The following CADM1 variants were observed in gnomAD, a reference collection of about 807,000 sequenced individuals.
CADM1 encodes the protein TSLC-1.
Under a neutral mutation model 53.1 loss-of-function variants are expected in CADM1, and 15 were observed. The ratio of observed to expected loss-of-function variants is 0.28; its 90% confidence interval spans 0.19 to 0.44. The LOEUF is 0.44. Among genes scored for constraint, CADM1 ranks in the 20% least tolerant of loss-of-function variants. CADM1 has a pLI of 1.00. For missense variants in CADM1, 434 were observed against 611.3 expected (o/e 0.71, Z 3.06); for synonymous variants, 281 against 243.0 (o/e 1.16, Z -1.45).
rs12786547 is a variant in CADM1, at chr11:115,383,659, T to C, written c.124+120612A>G. On this transcript the variant is annotated intron_variant, in intron 1 of 11. Coordinates refer to ENST00000331581, the MANE Select transcript of CADM1 (RefSeq NM_001301043.2). ...CGTGGCAGACTTTAAAAATTATCTT[T>C]TCCCCCCATGACTTGCTTAGAAAAT... 6.9e-3 allele frequency among the ~76,000 whole-genome samples: 1,048 copies of C among 152,306 alleles called. 4 individuals are homozygous for C. Among genetic ancestry groups the C allele is most frequent in the Non-Finnish European group, 0.012 (845 of 68,028 alleles).
intron 5 of CADM1, among the ~76,000 whole-genome samples, chr11:115,219,367 T>C (rs551702214): frequency 6.6e-6 from 1 of 152,298 alleles, no homozygotes; most frequent in East Asian, 1.9e-4. Flanking sequence ...ATCACAAATC[T>C]TTCTCTCATG....
chr11:115,427,497 A>C (rs1947919727), intron 1 of CADM1, among the ~76,000 whole-genome samples: 2 of 152,160 alleles, frequency 1.3e-5, no homozygotes, highest in Admixed American at 1.3e-4. Context: ...TCTATCTAGA[A>C]GTAGAGATGA....
At chr11:115,440,761 G>A (rs575845898) in intron 1 of CADM1, among the ~76,000 whole-genome samples, 3 of 152,182 alleles carry the variant, frequency 2.0e-5, no homozygotes, top group South Asian at 4.2e-4. Context: ...ATACTCAGTC[G>A]CTTTGGCTTT....
chr11:115,305,278 C>A (rs971762521), intron 1 of CADM1, among the ~76,000 whole-genome samples: 4 of 151,984 alleles, frequency 2.6e-5, no homozygotes, highest in African/African-American at 7.2e-5. Context: ...TGGACTCCTG[C>A]CTACGGGCGC....
intron 10 of CADM1, among the ~76,000 whole-genome samples, chr11:115,184,648 AGCATCCCAG>A (rs1591582740): frequency 6.6e-6 from 1 of 152,246 alleles, no homozygotes; most frequent in East Asian, 1.9e-4. Context: ...ACTCCCATAT[AGCATCCCAG>A]GCATCTACTA....
At chr11:115,198,803 C>A (rs72994030) in intron 8 of CADM1, among the ~76,000 whole-genome samples, 3 of 152,202 alleles carry the variant, frequency 2.0e-5, no homozygotes, top group Admixed American at 6.5e-5. Flanking sequence ...CTCAGGACTG[C>A]GACAGAAAAG....
chr11:115,339,606 C>T (rs545397149), intron 1 of CADM1, among the ~76,000 whole-genome samples: 1 of 152,230 alleles, frequency 6.6e-6, no homozygotes, highest in East Asian at 1.9e-4. Flanking sequence ...ACTAATTTTA[C>T]TTATGCAGAG....
At chr11:115,432,820 G>C (rs997683481) in intron 1 of CADM1, among the ~76,000 whole-genome samples, 3 of 152,260 alleles carry the variant, frequency 2.0e-5, no homozygotes, top group African/African-American at 7.2e-5. Flanking sequence ...ACACAAATTT[G>C]TATTTAAACA....
At chr11:115,434,236 T>C (rs765800698) in intron 1 of CADM1, among the ~76,000 whole-genome samples, 10 of 152,208 alleles carry the variant, frequency 6.6e-5, no homozygotes, top group Admixed American at 2.0e-4. Context: ...AAGCATATTC[T>C]GGCTTGATTA....
intron 1 of CADM1, among the ~76,000 whole-genome samples, chr11:115,394,477 G>GA (rs879387622): frequency 0.014 from 2,060 of 147,866 alleles, 20 homozygotes; most frequent in African/African-American, 0.021. Flanking sequence ...CAAGATAAAT[G>GA]AAAAAAAAAA....
chr11:115,461,109 A>G (rs1468436592), intron 1 of CADM1, among the ~76,000 whole-genome samples: 2 of 151,028 alleles, frequency 1.3e-5, no homozygotes, highest in African/African-American at 4.9e-5. Context: ...TGCAATGGAA[A>G]TGGAAACACA....
intron 1 of CADM1, among the ~76,000 whole-genome samples, chr11:115,466,617 G>A (rs1176206344): frequency 6.6e-6 from 1 of 152,182 alleles, no homozygotes; most frequent in African/African-American, 2.4e-5. Flanking sequence ...ATTAAGGTGT[G>A]CATTTACCTT....
chr11:115,197,452 A>C (rs1940213607), intron 9 of CADM1, among the ~76,000 whole-genome samples: 1 of 5,956 alleles, frequency 1.7e-4, no homozygotes, highest in Admixed American at 2.8e-3. Context: ...TTTTAAACAT[A>C]TCTTTTCTAA....
chr11:115,490,200 T>C (rs1161586837), intron 1 of CADM1, among the ~76,000 whole-genome samples: 1 of 152,142 alleles, frequency 6.6e-6, no homozygotes, highest in Non-Finnish European at 1.5e-5. Context: ...GGGGCTGTTA[T>C]ACCATTGTAA....
chr11:115,276,884 T>C (rs1943460012), intron 1 of CADM1, among the ~76,000 whole-genome samples: 1 of 152,018 alleles, frequency 6.6e-6, no homozygotes, highest in African/African-American at 2.4e-5. Context: ...CCTCATACTG[T>C]CATCTGTCCC....
At chr11:115,405,883 G>A (rs1947299927) in intron 1 of CADM1, among the ~76,000 whole-genome samples, 1 of 152,140 alleles carries the variant, frequency 6.6e-6, no homozygotes, top group South Asian at 2.1e-4. Context: ...TAGGAGGAAG[G>A]ATAAGGAGTA....
chr11:115,419,705 A>G (rs1163659092), intron 1 of CADM1, among the ~76,000 whole-genome samples: 1 of 152,138 alleles, frequency 6.6e-6, no homozygotes, highest in African/African-American at 2.4e-5. Context: ...GAGACTCAAT[A>G]ATCTGATTAG....
At chr11:115,271,469 A>G (rs1439212094) in intron 1 of CADM1, among the ~76,000 whole-genome samples, 2 of 152,098 alleles carry the variant, frequency 1.3e-5, no homozygotes, top group Non-Finnish European at 2.9e-5. Context: ...TTTTTAGTAG[A>G]GACACGGTTT....
chr11:115,266,826 T>C (rs1326076471), intron 1 of CADM1, among the ~76,000 whole-genome samples: 1 of 152,214 alleles, frequency 6.6e-6, no homozygotes, highest in Non-Finnish European at 1.5e-5. Context: ...CCTGCATATA[T>C]AAATGTTTAA....
Sources: allele counts gnomAD v4.1 joint callset (sites outside exome capture counted in the v4.1 genomes callset), GRCh38; gene constraint gnomAD v4.1.1; transcripts MANE v1.5; gene names NCBI Gene and HGNC (gene_info 2026-07-23, HGNC 2026-07-21).